CPT1B: variants seen among roughly 807,000 people sequenced by gnomAD.
The protein encoded by CPT1B is carnitine palmitoyltransferase 1B.
CPT1B carries 57 observed loss-of-function variants against 92.7 expected under a neutral mutation model. That is an observed-to-expected ratio of 0.62 (90% confidence interval 0.50 to 0.77). The LOEUF (loss-of-function observed/expected upper bound fraction) is 0.77, where lower values mean the gene tolerates loss of function less well. Ranked by LOEUF, CPT1B falls within the 30% of genes least tolerant of loss-of-function variation. CPT1B has a pLI of 0.00. For synonymous variants in CPT1B, 398 were observed against 383.5 expected (o/e 1.04, Z -0.44); for missense variants, 983 against 1,017.4 (o/e 0.97, Z 0.46).
rs772500354 is a variant in CPT1B, at chr22:50,573,797, C to A, written c.971-82G>T. On this transcript the variant is annotated intron_variant, in intron 9 of 19. Transcript: ENST00000312108. The surrounding 1 kb of genome is among the most constrained non-coding windows in gnomAD (Gnocchi z 5.0). ...GGCCCACCTCCCATGCACTAGGTGA[C>A]CCCTGCAGACCCTGTTTTGCTCGGC... is the stretch of plus-strand genomic sequence containing the variant. The A allele has an allele frequency of 1.4e-4, 171 of 1,251,240 alleles. No homozygotes were observed. The highest frequency in any genetic ancestry group is 1.9e-4 in the Non-Finnish European group (168 of 871,700). 77.5% of individuals were successfully genotyped at this position (1,251,240 alleles called of 1,614,324 possible). A position where few individuals can be genotyped will look rare whatever the true frequency, so the allele number is the denominator to read the frequency against.
intron 7 of CPT1B, 155 bp from the exon 8 acceptor site, chr22:50,574,755 G>A (rs1420643239): frequency 3.0e-5 from 19 of 631,960 alleles, no homozygotes; most frequent in Admixed American, 1.1e-4. Flanking sequence ...CTCCAGAAAT[G>A]CACAACTGAT....
chr22:50,577,207 G>T, intron 3 of CPT1B, 117 bp downstream of exon 3: 2 of 1,435,866 alleles, frequency 1.4e-6, no homozygotes, highest in Non-Finnish European at 1.9e-6. Context: ...GGGGAGGGCT[G>T]CCCCGTGACT....
At chr22:50,569,234 G>C in intron 19 of CPT1B, 102 bp downstream of exon 19, 1 of 1,149,440 alleles carries the variant, frequency 8.7e-7, no homozygotes, top group Non-Finnish European at 1.3e-6. Flanking sequence ...GCTGTCCTTG[G>C]AGCCTGGGCA....
At chr22:50,572,657 C>T (rs573023554) in intron 11 of CPT1B, among the ~76,000 whole-genome samples, 2 of 152,048 alleles carry the variant, frequency 1.3e-5, no homozygotes, top group Admixed American at 6.6e-5. Flanking sequence ...AATCACAATC[C>T]TAACTACTTT....
At chr22:50,572,738 G>T in intron 11 of CPT1B, 137 bp downstream of exon 11, 1 of 928,044 alleles carries the variant, frequency 1.1e-6, no homozygotes, top group Non-Finnish European at 1.6e-6. Context: ...ACCTGCCTTG[G>T]CCCCCAAAGT....
chr22:50,577,756 G>A lies in CPT1B; in HGVS notation c.141+19C>T. The A allele has an allele frequency of 6.2e-7, 1 of 1,608,718 alleles. No homozygotes were observed. The highest frequency in any genetic ancestry group is 8.5e-7 in the Non-Finnish European group (1 of 1,175,798). On this transcript the variant is annotated intron_variant, in intron 2 of 19. Coordinates refer to ENST00000312108, the MANE Select transcript of CPT1B (RefSeq NM_152246.3). ...CAGCCGGCCTCTGCCTACGCTCTGG[G>A]AGAAGCACCTGTGCGCACCTTGATG... is the stretch of plus-strand genomic sequence containing the variant.
intron 3 of CPT1B, 69 bp from the exon 4 acceptor site, chr22:50,577,103 CAGGG>C: frequency 6.4e-7 from 1 of 1,560,518 alleles, no homozygotes; most frequent in Non-Finnish European, 8.8e-7. Flanking sequence ...TGAACTGTCT[CAGGG>C]GAGACACCAA....
At chr22:50,571,740 T>C (rs1451605830) in intron 13 of CPT1B, 2 of 655,950 alleles carry the variant, frequency 3.0e-6, no homozygotes, top group East Asian at 2.7e-5. Flanking sequence ...AAGAGGGAAG[T>C]GCTGAAAATG....
rs369593888 is a variant in CPT1B at position 50,573,047 on chromosome 22, G to A, written c.1180C>T (p.Gln394Ter). The change falls in exon 11 of 20, where the codon CAG becomes TAG. Residue 394 changes from glutamine (Q) to a stop codon, truncating the protein, a stop_gained. Coordinates refer to ENST00000312108, the MANE Select transcript of CPT1B (RefSeq NM_152246.3). LOFTEE classifies it high-confidence loss of function. This position sits in a 1 kb window ranked among gnomAD's most constrained non-coding sequence, Gnocchi z 5.0. ...LTAGGRVEWA[Q>*]ARQAFFSSGK... Reference sequence around the variant, plus strand: ...GAGCTAAAGAAGGCCTGGCGTGCCTGCGCCCACTCCACCCTGAAGCATGGG... The same window carrying A: ...GAGCTAAAGAAGGCCTGGCGTGCCTACGCCCACTCCACCCTGAAGCATGGG... 68 of 1,600,562 alleles carry A rather than the reference G, an allele frequency of 4.2e-5. No homozygotes were observed. The highest frequency in any genetic ancestry group is 5.3e-5 in the Non-Finnish European group (62 of 1,169,392).
chr22:50,573,608 GA>G lies in CPT1B; in HGVS notation c.1077del (p.Leu360TrpfsTer228). On this transcript the variant is annotated frameshift_variant, in exon 10 of 20. Coordinates refer to ENST00000312108, the MANE Select transcript of CPT1B (RefSeq NM_152246.3). LOFTEE classifies it high-confidence loss of function. This position sits in a 1 kb window ranked among gnomAD's most constrained non-coding sequence, Gnocchi z 5.0. ...AGGATCCTCTGGAACTGCATCTCCA[GA>G]TCCTGAGGCTTGAGCAGACGGGCGC... The part of the protein sequence containing the change: ...YEGARLLKPQ[D>X]LEMQFQRILD... The G allele has an allele frequency of 6.2e-7, 1 of 1,613,694 alleles. No individual in the cohort carries two copies. The highest frequency in any genetic ancestry group is 8.5e-7 in the Non-Finnish European group (1 of 1,179,998).
At chr22:50,572,373 C>A in intron 11 of CPT1B, 65 bp from the exon 12 acceptor site, 2 of 1,010,966 alleles carry the variant, frequency 2.0e-6, no homozygotes, top group East Asian at 4.8e-5. Context: ...TGACCTGCAA[C>A]CCCAACCTTT....
intron 13 of CPT1B, chr22:50,571,776 C>G (rs1293772415): frequency 3.1e-6 from 2 of 644,656 alleles, no homozygotes; most frequent in Non-Finnish European, 5.4e-6. Context: ...AGTGCCTCCT[C>G]CATCTCATGG....
Position 50,576,639 on chromosome 22 carries a change from TG to T in CPT1B, c.460-3del, listed in dbSNP as rs1457067177. Reference sequence around the variant, plus strand: ...GCTGGATAGAAGGCGGATACACATCTGGGGGTACAGAGCAGAGTGCTGGGGT... The same window carrying T: ...GCTGGATAGAAGGCGGATACACATCTGGGGTACAGAGCAGAGTGCTGGGGT... On this transcript the variant is annotated splice_region_variant and splice_polypyrimidine_tract_variant and intron_variant, in intron 4 of 19. Coordinates refer to ENST00000312108, the MANE Select transcript of CPT1B (RefSeq NM_152246.3). The T allele has an allele frequency of 6.2e-7, 1 of 1,610,800 alleles. No homozygotes were observed. Among genetic ancestry groups the T allele is most frequent in the Non-Finnish European group, 8.5e-7 (1 of 1,178,690 alleles).
At position 50,572,939 on chromosome 22, in the gene CPT1B, G is replaced by A; in HGVS notation, c.1288C>T (p.Pro430Ser). 6.2e-7 allele frequency: 1 copy of A among 1,613,812 alleles called. No individual in the cohort carries two copies. The highest frequency in any genetic ancestry group is 1.1e-5 in the South Asian group (1 of 91,084). ...AGGCTGAGGCTGGCCTCATCTTCGGGGTCATAGGAGTAGGATTCCTCATCC... is the reference window on the plus strand; with the variant it reads ...AGGCTGAGGCTGGCCTCATCTTCGGAGTCATAGGAGTAGGATTCCTCATCC... ...ALDEESYSYD[P>S]EDEASLSLYG... The change falls in exon 11 of 20, where the codon CCC (proline) becomes TCC (serine). Residue 430 changes from proline (P) to serine (S), a missense_variant. Pro to Ser is a moderately conservative substitution (Grantham distance 74). Transcript: ENST00000312108.
chr22:50,569,816 G>A (rs577687745), intron 17 of CPT1B, 148 bp from the exon 18 acceptor site: 37 of 688,122 alleles, frequency 5.4e-5, no homozygotes, highest in Non-Finnish European at 8.6e-5. Context: ...CCACCCCCAG[G>A]AAACTGTGAA....
chr22:50,573,237 C>T lies in CPT1B; in HGVS notation c.1167-177G>A, dbSNP rs906430748. 16 of 477,630 alleles carry T rather than the reference C, an allele frequency of 3.3e-5. No individual in the cohort carries two copies. The highest frequency in any genetic ancestry group is 9.5e-5 in the East Asian group (3 of 31,508). 29.6% of individuals were successfully genotyped at this position (477,630 alleles called of 1,614,324 possible). ...GGCTGGGCCTGGAGGTGTTGGGGTG[C>T]GTGCCAGGCTGCGCCTGGAGGTGGG... is the stretch of plus-strand genomic sequence containing the variant. On this transcript the variant is annotated intron_variant, in intron 10 of 19. Transcript: ENST00000312108. The surrounding 1 kb of genome is among the most constrained non-coding windows in gnomAD (Gnocchi z 5.0).
At chr22:50,577,198 G>C in intron 3 of CPT1B, 126 bp downstream of exon 3, 1 of 1,402,412 alleles carries the variant, frequency 7.1e-7, no homozygotes, top group Non-Finnish European at 9.8e-7. Flanking sequence ...GTTGTCATAG[G>C]GGAGGGCTGC....
At chr22:50,574,628 G>C (rs375240143) in intron 7 of CPT1B, 28 bp from the exon 8 acceptor site, 2 of 1,594,698 alleles carry the variant, frequency 1.3e-6, no homozygotes, top group Non-Finnish European at 1.7e-6. Flanking sequence ...CCGCGGGGTG[G>C]GGGCCTCTGT....
Position 50,574,598 on chromosome 22 carries a change from G to T in CPT1B, c.780C>A (p.Asp260Glu). 6.2e-7 allele frequency: 1 copy of T among 1,613,972 alleles called. No individual in the cohort carries two copies. Among genetic ancestry groups the T allele is most frequent in the Non-Finnish European group, 8.5e-7 (1 of 1,179,930 alleles). ...LMVNSNYYVM[D>E]LVLIKNTDVQ... ...CGTCTGTATTCTTGATGAGCACAAG[G>T]TCCTACAGAGGAACAGAGCCCGCGG... Residue 260 changes from aspartate to glutamate, a missense_variant and splice_region_variant, in exon 8 of 20, where the codon GAC (aspartate) becomes GAA (glutamate). By Grantham distance (45) the Asp-to-Glu change is conservative. Transcript: ENST00000312108.
Sources: gnomAD v4.1 joint callset for allele counts (sites outside exome capture counted in the v4.1 genomes callset) on GRCh38, gnomAD v4.1.1 for gene constraint, Gnocchi (gnomAD v3.1) non-coding constraint, MANE v1.5 for transcripts, NCBI Gene and HGNC (gene_info 2026-07-23, HGNC 2026-07-21) for gene names.